NSF: variants seen among roughly 807,000 people sequenced by gnomAD.
NSF encodes N-ethylmaleimide sensitive factor, vesicle fusing ATPase.
A neutral mutation model predicts 50.3 loss-of-function variants in NSF; 14 were observed. That is an observed-to-expected ratio of 0.28 (90% CI 0.18 to 0.44). The LOEUF (loss-of-function observed/expected upper bound fraction) is 0.44, where lower values mean the gene tolerates loss of function less well. Ranked by LOEUF, NSF falls within the 20% of genes least tolerant of loss-of-function variation. The probability of loss-of-function intolerance (pLI) is 1.00; values close to 1 mark genes in which losing one functional copy is unlikely to be tolerated. For missense variants in NSF, 218 were observed against 504.3 expected (o/e 0.43, Z 5.44); for synonymous variants, 109 against 175.7 (o/e 0.62, Z 3.00).
chr17:46,743,091 G>C (rs535143441), intron 17 of NSF, among the ~76,000 whole-genome samples: 4 of 152,068 alleles, frequency 2.6e-5, no homozygotes, highest in Admixed American at 2.6e-4. Context: ...TGACTCCTTC[G>C]GAGGGGGTGT....
chr17:46,721,758 T>C (rs2058832973), intron 15 of NSF: 1 of 1,604,000 alleles, frequency 6.2e-7, no homozygotes, highest in South Asian at 1.1e-5. Context: ...ACAATTTCGC[T>C]TGGGAAGACC....
intron 14 of NSF, among the ~76,000 whole-genome samples, chr17:46,711,396 A>C (rs982174191): frequency 6.6e-6 from 1 of 152,224 alleles, no homozygotes; most frequent in Non-Finnish European, 1.5e-5. Context: ...ACTTAGCCTC[A>C]ATTCAATTAA....
chr17:46,735,911 C>T (rs771890043), intron 17 of NSF, among the ~76,000 whole-genome samples: 22 of 152,156 alleles, frequency 1.4e-4, no homozygotes, highest in Admixed American at 4.6e-4. Context: ...TACCACTGCA[C>T]TCCATCCTGG....
chr17:46,707,340 T>C (rs1485560580), intron 13 of NSF, among the ~76,000 whole-genome samples: 1 of 152,246 alleles, frequency 6.6e-6, no homozygotes, highest in Non-Finnish European at 1.5e-5. Context: ...TTGATACAAG[T>C]TCTTTATATA....
Position 46,751,551 on chromosome 17 carries a change from G to A in NSF, c.2092G>A (p.Val698Ile). ...GGAACGCACCACAATTGCACAGCAA[G>A]TCAAAGGGAAGAAGGTCTGGATAGG... ...DKERTTIAQQ[V>I]KGKKVWIGIK... The change falls in exon 19 of 21, where the codon GTC becomes ATC. Residue 698 changes from valine to isoleucine, a missense_variant. Coordinates refer to ENST00000398238, the MANE Select transcript of NSF (RefSeq NM_006178.4). 6.2e-7 allele frequency: 1 copy of A among 1,614,096 alleles called. No homozygotes were observed. The highest frequency in any genetic ancestry group is 8.5e-7 in the Non-Finnish European group (1 of 1,179,992).
intron 13 of NSF, among the ~76,000 whole-genome samples, chr17:46,707,268 A>T (rs1328732995): frequency 6.6e-6 from 1 of 152,202 alleles, no homozygotes; most frequent in Admixed American, 6.5e-5. Flanking sequence ...GACCATATGC[A>T]TGTATTGTGT....
intron 17 of NSF, among the ~76,000 whole-genome samples, chr17:46,737,224 G>C (rs2059014777): frequency 6.6e-6 from 1 of 152,158 alleles, no homozygotes; most frequent in Non-Finnish European, 1.5e-5. Flanking sequence ...AGGTCAAGTA[G>C]CAAATGAAGG....
intron 13 of NSF, among the ~76,000 whole-genome samples, chr17:46,709,340 TAA>T (rs961235840): frequency 6.8e-6 from 1 of 148,140 alleles, no homozygotes; most frequent in South Asian, 2.1e-4. Flanking sequence ...GTCTGGAGGA[TAA>T]AAAAAAAATG....
rs371820809 is a variant in NSF at position 46,713,961 on chromosome 17, C to T, written c.1736C>T (p.Thr579Ile). ...GATAAAATGATTGGCTTTTCTGAAA[C>T]AGCCAAATGTCAGGCCATGAAGAAG... ...SPDKMIGFSE[T>I]AKCQAMKKIF... The change falls in exon 15 of 21, where the codon ACA (threonine) becomes ATA (isoleucine). Residue 579 changes from threonine to isoleucine, a missense_variant. Transcript: ENST00000398238. 5.0e-6 allele frequency: 8 copies of T among 1,604,978 alleles called. No individual in the cohort carries two copies. The highest frequency in any genetic ancestry group is 4.2e-6 in the Non-Finnish European group (5 of 1,177,978).
intron 15 of NSF, among the ~76,000 whole-genome samples, chr17:46,716,791 CAT>C (rs1466015093): frequency 8.5e-5 from 13 of 152,180 alleles, no homozygotes; most frequent in African/African-American, 2.9e-4. Flanking sequence ...TACTCAGACA[CAT>C]GTGTACACAT....
chr17:46,704,944 G>C, intron 13 of NSF, 90 bp downstream of exon 13: 2 of 1,330,330 alleles, frequency 1.5e-6, no homozygotes, highest in Non-Finnish European at 2.1e-6. Flanking sequence ...TCAGTATTAT[G>C]GAAGGTTATA....
At position 46,756,067 on chromosome 17, in the gene NSF, A is replaced by T; in HGVS notation, c.*244A>T. ...GCGCTTACCTTCCCATGCAGGCTAAAGTGATTCCTTCTTGCTCAGTCCCTC... is the reference window on the plus strand; with the variant it reads ...GCGCTTACCTTCCCATGCAGGCTAATGTGATTCCTTCTTGCTCAGTCCCTC... On this transcript the variant is annotated 3_prime_UTR_variant, in exon 21 of 21. Transcript: ENST00000398238. The T allele has an allele frequency of 2.1e-6, 1 of 481,132 alleles. No individual in the cohort carries two copies. 29.8% of individuals were successfully genotyped at this position (481,132 alleles called of 1,614,324 possible).
At chr17:46,697,186 A>G (rs2058603048) in intron 12 of NSF, among the ~76,000 whole-genome samples, 1 of 145,636 alleles carries the variant, frequency 6.9e-6, no homozygotes, top group Non-Finnish European at 1.5e-5. Flanking sequence ...AATAATGAGC[A>G]CATGGTAGGT....
At chr17:46,717,565 G>A (rs1341313644) in intron 15 of NSF, among the ~76,000 whole-genome samples, 1 of 152,176 alleles carries the variant, frequency 6.6e-6, no homozygotes, top group South Asian at 2.1e-4. Context: ...ACAAAAATTA[G>A]CCAGGCATGA....
chr17:46,738,587 G>A (rs1232309311), intron 17 of NSF, among the ~76,000 whole-genome samples: 3 of 152,172 alleles, frequency 2.0e-5, no homozygotes, highest in Non-Finnish European at 2.9e-5. Context: ...ACAGGATTCC[G>A]TCCTGGTGCC....
chr17:46,752,489 T>C (rs1017805233), intron 19 of NSF, among the ~76,000 whole-genome samples: 1 of 152,194 alleles, frequency 6.6e-6, no homozygotes, highest in Non-Finnish European at 1.5e-5. Context: ...AGGGTCTCGC[T>C]CTGTCTCCCA....
intron 12 of NSF, among the ~76,000 whole-genome samples, chr17:46,704,160 GC>G (rs1386283901): frequency 2.4e-5 from 2 of 82,562 alleles, no homozygotes; most frequent in Admixed American, 3.0e-4. Flanking sequence ...CATGAACAAG[GC>G]TGTACAGATA....
chr17:46,752,004 T>C (rs1364363329), intron 19 of NSF, among the ~76,000 whole-genome samples: 2 of 152,196 alleles, frequency 1.3e-5, no homozygotes, highest in African/African-American at 4.8e-5. Context: ...GAAGGGATGG[T>C]GTTGCACCTC....
intron 17 of NSF, among the ~76,000 whole-genome samples, chr17:46,744,046 G>A (rs2059104397): frequency 6.6e-6 from 1 of 152,004 alleles, no homozygotes; most frequent in Admixed American, 6.6e-5. Context: ...GCAGTACTAC[G>A]GATAACCTTC....
Sources: allele counts gnomAD v4.1 joint callset (sites outside exome capture counted in the v4.1 genomes callset), GRCh38; gene constraint gnomAD v4.1.1; transcripts MANE v1.5; gene names NCBI Gene and HGNC (gene_info 2026-07-23, HGNC 2026-07-21).